MAP4: variants seen among roughly 807,000 people sequenced by gnomAD.
MAP4 encodes microtubule-associated protein 4.
Under a neutral mutation model 170.2 loss-of-function variants are expected in MAP4, and 76 were observed. The ratio of observed to expected loss-of-function variants is 0.45; its 90% CI spans 0.37 to 0.54. MAP4 has a LOEUF of 0.54. MAP4 is among the 20% of genes least tolerant of loss of function. The pLI is 0.00. For synonymous variants in MAP4, 909 were observed against 994.5 expected, an observed-to-expected ratio of 0.91 and a Z score of 1.62; for missense variants, 2,506 against 2,748.0, an observed-to-expected ratio of 0.91 and a Z score of 1.97.
intron 1 of MAP4, among the ~76,000 whole-genome samples, chr3:48,014,993 T>C (rs985456321): frequency 3.9e-5 from 6 of 152,192 alleles, no homozygotes; most frequent in African/African-American, 1.4e-4. Flanking sequence ...AGATATGGTA[T>C]CAAAGTAGGG....
chr3:48,001,129 A>G (rs1366691748), intron 1 of MAP4, among the ~76,000 whole-genome samples: 1 of 152,202 alleles, frequency 6.6e-6, no homozygotes, highest in East Asian at 1.9e-4. Context: ...CGATACCCAA[A>G]TAAGTACAGA....
rs2092921273 is a variant in MAP4 at position 47,871,848 on chromosome 3, T to C, written c.5941+69A>G. On this transcript the variant is annotated intron_variant, in intron 13 of 20. Transcript: ENST00000683076. ...CTGTTTGTGATACTAGCTAGAGCTA[T>C]GGCTGGGGCAAAGCCAAGATCCCAT... 2.1e-5 allele frequency: 31 copies of C among 1,457,480 alleles called. 1 individual carries two copies. In the South Asian group the frequency reaches 3.9e-4, roughly 18 times the overall value. The allele number at this position is 1,457,480 out of a possible 1,614,324, so 90.3% of individuals were successfully genotyped here.
intron 1 of MAP4, among the ~76,000 whole-genome samples, chr3:48,053,138 T>C (rs1014084696): frequency 6.6e-6 from 1 of 152,144 alleles, no homozygotes; most frequent in Non-Finnish European, 1.5e-5. Flanking sequence ...AAAGACAACA[T>C]AAAGTACAAG....
chr3:47,949,415 G>A (rs1421118959), intron 3 of MAP4, among the ~76,000 whole-genome samples: 1 of 143,480 alleles, frequency 7.0e-6, no homozygotes, highest in Non-Finnish European at 1.5e-5. Context: ...GCAGTGAGCC[G>A]AGATTGTCCC....
At chr3:47,984,216 T>C (rs1317528061) in intron 2 of MAP4, among the ~76,000 whole-genome samples, 1 of 152,038 alleles carries the variant, frequency 6.6e-6, no homozygotes, top group Non-Finnish European at 1.5e-5. Context: ...GGGGCTGGTA[T>C]CAAACTCCTG....
At chr3:48,034,839 C>G (rs1366831576) in intron 1 of MAP4, among the ~76,000 whole-genome samples, 1 of 151,994 alleles carries the variant, frequency 6.6e-6, no homozygotes, top group Non-Finnish European at 1.5e-5. Context: ...ATACTGAGAC[C>G]TTGTCTCTAC....
chr3:48,055,779 C>T (rs1383296744), intron 1 of MAP4, among the ~76,000 whole-genome samples: 31 of 131,656 alleles, frequency 2.4e-4, no homozygotes, highest in Non-Finnish European at 3.3e-5. Flanking sequence ...TCCCAGCCGC[C>T]ATCACATCTA....
chr3:48,045,811 G>T (rs997025038), intron 1 of MAP4, among the ~76,000 whole-genome samples: 2 of 152,170 alleles, frequency 1.3e-5, no homozygotes, highest in African/African-American at 4.8e-5. Context: ...AAAGTGCTGG[G>T]ATTACAGGCG....
At chr3:48,081,890 G>C (rs2100146843) in intron 1 of MAP4, among the ~76,000 whole-genome samples, 1 of 152,126 alleles carries the variant, frequency 6.6e-6, no homozygotes, top group Admixed American at 6.6e-5. Flanking sequence ...CTGATTTTAG[G>C]GTTGGGGCAG....
intron 3 of MAP4, among the ~76,000 whole-genome samples, chr3:47,952,917 C>G (rs748419093): frequency 1.3e-5 from 2 of 151,712 alleles, no homozygotes; most frequent in Non-Finnish European, 2.9e-5. Flanking sequence ...GAGCAAGACT[C>G]CATCTCAAAA....
intron 1 of MAP4, among the ~76,000 whole-genome samples, chr3:48,024,962 T>C (rs1014019338): frequency 8.0e-5 from 12 of 150,430 alleles, no homozygotes; most frequent in Non-Finnish European, 1.5e-4. Context: ...TCTTTTTCTT[T>C]TTTTTTTTGA....
At chr3:48,080,159 C>T (rs1338580874) in intron 1 of MAP4, among the ~76,000 whole-genome samples, 1 of 151,972 alleles carries the variant, frequency 6.6e-6, no homozygotes, top group Non-Finnish European at 1.5e-5. Context: ...AAATTAGGAC[C>T]ACTGAAGAGA....
intron 1 of MAP4, among the ~76,000 whole-genome samples, chr3:48,083,127 G>A (rs2100147432): frequency 6.6e-6 from 1 of 152,070 alleles, no homozygotes; most frequent in African/African-American, 2.4e-5. Context: ...GGACATCAGT[G>A]GAAAACACAG....
chr3:48,085,857 C>T (rs562141228), intron 1 of MAP4, among the ~76,000 whole-genome samples: 2 of 152,018 alleles, frequency 1.3e-5, no homozygotes, highest in African/African-American at 4.8e-5. Flanking sequence ...GAGATAGAGA[C>T]CACCCTAACA....
intron 1 of MAP4, among the ~76,000 whole-genome samples, chr3:48,044,270 T>C (rs1304158609): frequency 6.6e-6 from 1 of 151,314 alleles, no homozygotes; most frequent in East Asian, 2.0e-4. Context: ...TTCTCCTGCC[T>C]CAGCCTCCCG....
At chr3:47,974,617 T>C in intron 3 of MAP4, 2 of 957,874 alleles carry the variant, frequency 2.1e-6, no homozygotes, top group Non-Finnish European at 2.5e-6. Context: ...ATGTTTTATG[T>C]TATATTTCTA....
chr3:48,036,535 G>C (rs1227459758), intron 1 of MAP4, among the ~76,000 whole-genome samples: 1 of 152,098 alleles, frequency 6.6e-6, no homozygotes, highest in Non-Finnish European at 1.5e-5. Context: ...AGGTCCAAGG[G>C]GGCGCCTTCT....
At chr3:47,944,729 C>G (rs1202309014) in intron 3 of MAP4, among the ~76,000 whole-genome samples, 2 of 151,862 alleles carry the variant, frequency 1.3e-5, no homozygotes, top group Non-Finnish European at 2.9e-5. Flanking sequence ...AGTTAAATCT[C>G]TGGCATCTTT....
rs1370260427 is a variant in MAP4 at position 47,909,845 on chromosome 3, A to C, written c.4576T>G (p.Ser1526Ala). The C allele has an allele frequency of 6.2e-7, 1 of 1,613,970 alleles. No homozygotes were observed. The highest frequency in any genetic ancestry group is 1.1e-5 in the South Asian group (1 of 91,070). The change falls in exon 9 of 21, where the codon TCT (serine) becomes GCT (alanine). Residue 1526 changes from serine (S) to alanine (A), a missense_variant. This residue lies in a region of MAP4 where 2,008 missense variants were observed against 2,206.0 expected (regional missense o/e 0.91). Coordinates refer to ENST00000683076, the MANE Select transcript of MAP4 (RefSeq NM_001385682.1). ...GCAAGCTCAGCTTTATTCTTAAGAG[A>C]GTGATCTCCATGAATGTTAACTGTT... ...IETVNIHGDH[S>A]LKNKAELADS...
Sources: gnomAD v4.1 joint callset for allele counts (sites outside exome capture counted in the v4.1 genomes callset) on GRCh38, gnomAD v4.1.1 for gene constraint, gnomAD v4.1.1 regional missense constraint, MANE v1.5 for transcripts, NCBI Gene and HGNC (gene_info 2026-07-23, HGNC 2026-07-21) for gene names.